PPP2R2B: variants seen among roughly 807,000 people sequenced by gnomAD.
PPP2R2B encodes the protein serine/threonine-protein phosphatase 2A 55 kDa regulatory subunit B beta isoform.
A neutral mutation model predicts 46.0 loss-of-function variants in PPP2R2B; 5 were observed. The observed-to-expected ratio is 0.11, with a 90% CI of 0.06 to 0.23. The LOEUF is 0.23. PPP2R2B is among the 10% of genes least tolerant of loss of function. The probability of loss-of-function intolerance (pLI) is 1.00; values close to 1 mark genes in which losing one functional copy is unlikely to be tolerated. For missense variants in PPP2R2B, 367 were observed against 575.0 expected (o/e 0.64, Z 3.70); for synonymous variants, 215 against 206.7 (o/e 1.04, Z -0.34).
intron 1 of PPP2R2B, among the ~76,000 whole-genome samples, chr5:146,972,695 G>C (rs1052165350): frequency 2.6e-5 from 4 of 152,096 alleles, no homozygotes. Flanking sequence ...CTAGGCAAGA[G>C]AGTAAGACTC....
chr5:146,975,266 T>A (rs1324121585), intron 1 of PPP2R2B, among the ~76,000 whole-genome samples: 1 of 152,218 alleles, frequency 6.6e-6, no homozygotes. Context: ...AGCATTTTTC[T>A]TTTTGTCATT....
chr5:146,647,398 C>T (rs1048949082), intron 6 of PPP2R2B, among the ~76,000 whole-genome samples: 23 of 152,128 alleles, frequency 1.5e-4, no homozygotes, highest in Admixed American at 7.2e-4. Flanking sequence ...GAAAGATGGC[C>T]GCTTCCTACC....
intron 1 of PPP2R2B, among the ~76,000 whole-genome samples, chr5:147,039,445 T>G (rs1756192954): frequency 6.6e-6 from 1 of 152,186 alleles, no homozygotes; most frequent in South Asian, 2.1e-4. Flanking sequence ...AAGACCCAGA[T>G]AGATCCCGGG....
At chr5:146,828,695 A>G (rs538934894) in intron 2 of PPP2R2B, among the ~76,000 whole-genome samples, 1 of 152,342 alleles carries the variant, frequency 6.6e-6, no homozygotes, top group Non-Finnish European at 1.5e-5. Flanking sequence ...AGACAACACT[A>G]AAAACATGAC....
At chr5:146,894,102 T>A (rs1310473833) in intron 1 of PPP2R2B, among the ~76,000 whole-genome samples, 1 of 152,184 alleles carries the variant, frequency 6.6e-6, no homozygotes, top group African/African-American at 2.4e-5. Context: ...ACGCTGCTAC[T>A]AAGTTAGCCT....
intron 7 of PPP2R2B, among the ~76,000 whole-genome samples, chr5:146,630,119 C>T (rs1485886504): frequency 1.3e-5 from 2 of 152,110 alleles, no homozygotes; most frequent in Non-Finnish European, 2.9e-5. Flanking sequence ...CTGGCTGTGG[C>T]CTCACTTTCT....
chr5:147,081,208 A>G (rs1757958835), intron 1 of PPP2R2B: 6 of 1,535,524 alleles, frequency 3.9e-6, no homozygotes, highest in Non-Finnish European at 4.4e-6. Flanking sequence ...CCAACAAGAA[A>G]AGAAATATAT....
rs556143682 is a variant in PPP2R2B at position 146,857,927 on chromosome 5, T to A, written c.70+20075A>T. Reference sequence around the variant, plus strand: ...GTCTCGAACTCCCGACCTCAGGTGATCCGCCTGCCTTTGGCCTCCCAAAGT... The same window carrying A: ...GTCTCGAACTCCCGACCTCAGGTGAACCGCCTGCCTTTGGCCTCCCAAAGT... On this transcript the variant is annotated intron_variant, in intron 2 of 9. Coordinates refer to ENST00000394411, the MANE Select transcript of PPP2R2B (RefSeq NM_181675.4). Among the ~76,000 whole-genome samples, 538 of 152,294 alleles carry A rather than the reference T, an allele frequency of 3.5e-3. 5 individuals carry two copies. Among genetic ancestry groups the A allele is most frequent in the African/African-American group, 0.012 (513 of 41,566 alleles).
At chr5:146,859,468 G>A (rs1760858310) in intron 2 of PPP2R2B, among the ~76,000 whole-genome samples, 1 of 152,188 alleles carries the variant, frequency 6.6e-6, no homozygotes, top group Non-Finnish European at 1.5e-5. Flanking sequence ...CAACTGAATT[G>A]TTTGATCAGT....
At chr5:147,035,617 T>C (rs1381953562) in intron 1 of PPP2R2B, among the ~76,000 whole-genome samples, 10 of 152,180 alleles carry the variant, frequency 6.6e-5, no homozygotes. Context: ...TTTATTCTGT[T>C]ATCCAAGAAA....
At chr5:146,955,592 C>T (rs1751855004) in intron 1 of PPP2R2B, among the ~76,000 whole-genome samples, 1 of 151,864 alleles carries the variant, frequency 6.6e-6, no homozygotes, top group African/African-American at 2.4e-5. Flanking sequence ...TAAGTAATTC[C>T]CAAGAGAAGT....
At chr5:146,944,178 T>A (rs913199912) in intron 1 of PPP2R2B, among the ~76,000 whole-genome samples, 10 of 152,170 alleles carry the variant, frequency 6.6e-5, no homozygotes, top group Non-Finnish European at 1.5e-4. Flanking sequence ...TGCTCCTAAG[T>A]GCAATACGCT....
intron 5 of PPP2R2B, among the ~76,000 whole-genome samples, chr5:146,682,434 A>C (rs1249154011): frequency 1.3e-5 from 2 of 152,220 alleles, no homozygotes; most frequent in East Asian, 3.9e-4. Flanking sequence ...TCAACAAGTG[A>C]CTTTATCAGC....
rs561347140 is a variant in PPP2R2B, at chr5:146,973,070, T to C, written c.79+82595A>G. 5.3e-5 allele frequency among the ~76,000 whole-genome samples: 6 copies of C among 113,334 alleles called. No homozygotes were observed. In the East Asian group the frequency reaches 1.2e-3, roughly 23 times the overall value. The allele number at this position is 113,334 out of a possible 152,430, so 74.4% of individuals were successfully genotyped here. On this transcript the variant is annotated intron_variant, in intron 1 of 8. Transcript: ENST00000336640. ...ATATTACCTATTTCTTGATGATCTT[T>C]AAAAATGTTCTGTGGTATCCTTTTT...
chr5:146,730,029 A>G (rs537456719), intron 2 of PPP2R2B, among the ~76,000 whole-genome samples: 2 of 152,340 alleles, frequency 1.3e-5, no homozygotes, highest in East Asian at 3.9e-4. Flanking sequence ...GAAAAGCTGC[A>G]GACACTCAAT....
chr5:146,842,413 C>T (rs1554144100), intron 2 of PPP2R2B, among the ~76,000 whole-genome samples: 1 of 150,718 alleles, frequency 6.6e-6, no homozygotes, highest in Non-Finnish European at 1.5e-5. Context: ...TCCAAATAAC[C>T]ATACTCTAAC....
intron 1 of PPP2R2B, among the ~76,000 whole-genome samples, chr5:146,988,419 C>A (rs1298329221): frequency 3.3e-5 from 5 of 151,920 alleles, no homozygotes; most frequent in Non-Finnish European, 7.4e-5. Context: ...ATCAAGTATC[C>A]TTTCTGATCA....
At chr5:146,782,821 G>C (rs1231939642) in intron 2 of PPP2R2B, among the ~76,000 whole-genome samples, 1 of 149,218 alleles carries the variant, frequency 6.7e-6, no homozygotes, top group Non-Finnish European at 1.5e-5. Context: ...GGAAACAGAA[G>C]AAAGAAGGAA....
chr5:146,616,105 A>T (rs1410152379), intron 7 of PPP2R2B, among the ~76,000 whole-genome samples: 3 of 152,226 alleles, frequency 2.0e-5, no homozygotes, highest in Non-Finnish European at 2.9e-5. Flanking sequence ...CTCATTTTCA[A>T]CAAAGGTGCC....
Sources: gnomAD v4.1 joint callset for allele counts (sites outside exome capture counted in the v4.1 genomes callset) on GRCh38, gnomAD v4.1.1 for gene constraint, MANE v1.5 for transcripts, NCBI Gene and HGNC (gene_info 2026-07-23, HGNC 2026-07-21) for gene names.